Variants in PCDHAC1 observed in about 807,000 individuals in gnomAD.
PCDHAC1 encodes the protein protocadherin alpha-C1.
PCDHAC1 carries 42 observed loss-of-function variants against 60.0 expected under a neutral mutation model. The ratio of observed to expected loss-of-function variants is 0.70; its 90% CI spans 0.55 to 0.90. PCDHAC1 has a LOEUF of 0.90. Among genes scored for constraint, PCDHAC1 ranks in the 40% least tolerant of loss-of-function variants. The pLI, the probability that PCDHAC1 is intolerant of heterozygous loss-of-function variation, is 0.00. For missense variants in PCDHAC1, 1,160 were observed against 1,222.3 expected (o/e 0.95, Z 0.76); for synonymous variants, 468 against 499.3 (o/e 0.94, Z 0.84).
At position 140,969,448 on chromosome 5, in the gene PCDHAC1, G is replaced by A. The variant is rs781843317; in HGVS notation, c.2434-9501G>A. 468 of 1,537,938 alleles carry A rather than the reference G, an allele frequency of 3.0e-4. 1 individual carries two copies. Among genetic ancestry groups the A allele is most frequent in the Non-Finnish European group, 4.0e-4 (459 of 1,139,778 alleles). On this transcript the variant is annotated intron_variant, in intron 1 of 3. Coordinates refer to ENST00000253807, the MANE Select transcript of PCDHAC1 (RefSeq NM_018898.5). ...AGTGACAAGAGTTATCTGGTAAACT[G>A]AGTATATATAGTATCCACAATTTGA...
intron 2 of PCDHAC1, among the ~76,000 whole-genome samples, chr5:140,980,460 T>G (rs1554241839): frequency 6.6e-6 from 1 of 152,134 alleles, no homozygotes; most frequent in Non-Finnish European, 1.5e-5. Flanking sequence ...TGAAACCCTG[T>G]CTCTACTAAA....
chr5:141,010,188 T>G lies in PCDHAC1; in HGVS notation c.*251T>G. 6.4e-7 allele frequency: 1 copy of G among 1,553,070 alleles called. No individual in the cohort carries two copies. On this transcript the variant is annotated 3_prime_UTR_variant, in exon 4 of 4. Coordinates refer to ENST00000253807, the MANE Select transcript of PCDHAC1 (RefSeq NM_018898.5). ...CAGAACCTAAAAAGCAGACCCAAGT[T>G]TCCTTTCTCCTCCGCCGCAAAGGAG...
intron 1 of PCDHAC1, among the ~76,000 whole-genome samples, chr5:140,977,932 C>T (rs2096781582): frequency 6.6e-6 from 1 of 151,944 alleles, no homozygotes; most frequent in Non-Finnish European, 1.5e-5. Flanking sequence ...TCAACTATAC[C>T]TCAATATTCA....
chr5:140,934,172 G>A (rs781789188), intron 1 of PCDHAC1, among the ~76,000 whole-genome samples: 47 of 152,018 alleles, frequency 3.1e-4, no homozygotes, highest in Non-Finnish European at 6.6e-4. Flanking sequence ...TGCAACAGAA[G>A]TACTCTAAAC....
chr5:140,968,801 G>T, intron 1 of PCDHAC1: 1 of 1,614,216 alleles, frequency 6.2e-7, no homozygotes, highest in Non-Finnish European at 8.5e-7. Context: ...CATTACAGTA[G>T]CTGTGGTGGA....
chr5:140,967,745 G>T, intron 1 of PCDHAC1: 1 of 1,614,184 alleles, frequency 6.2e-7, no homozygotes, highest in Non-Finnish European at 8.5e-7. Flanking sequence ...GGATTATGAG[G>T]AAGCCTCCTC....
intron 1 of PCDHAC1, among the ~76,000 whole-genome samples, chr5:140,947,556 A>C (rs1281977555): frequency 1.3e-5 from 2 of 151,584 alleles, no homozygotes; most frequent in Admixed American, 6.6e-5. Flanking sequence ...TTCCGCTGGG[A>C]TTTATATTGG....
intron 1 of PCDHAC1, among the ~76,000 whole-genome samples, chr5:140,965,769 A>G (rs571022357): frequency 2.0e-5 from 3 of 152,376 alleles, no homozygotes; most frequent in Admixed American, 2.0e-4. Flanking sequence ...GTCAAATAAT[A>G]GATTTGCCTA....
At chr5:140,949,816 A>G (rs1223140568) in intron 1 of PCDHAC1, among the ~76,000 whole-genome samples, 2 of 151,532 alleles carry the variant, frequency 1.3e-5, no homozygotes, top group African/African-American at 4.8e-5. Context: ...TTTGCTTTCT[A>G]TTTGTCCCCT....
intron 3 of PCDHAC1, among the ~76,000 whole-genome samples, chr5:141,000,417 A>AT (rs1563652061): frequency 7.5e-4 from 58 of 77,708 alleles, no homozygotes; most frequent in African/African-American, 1.3e-3. Context: ...ATATATATAT[A>AT]TATATTTTTT....
chr5:140,969,264 C>T, intron 1 of PCDHAC1: 1 of 1,614,208 alleles, frequency 6.2e-7, no homozygotes, highest in Non-Finnish European at 8.5e-7. Flanking sequence ...AGGAATCTCA[C>T]AGGCCAAAGT....
At chr5:141,001,959 C>T (rs755695273) in intron 3 of PCDHAC1, among the ~76,000 whole-genome samples, 8 of 152,098 alleles carry the variant, frequency 5.3e-5, no homozygotes, top group Admixed American at 3.9e-4. Context: ...GAGGGAGAGG[C>T]GGGGTGTCTC....
chr5:140,966,413 A>G, intron 1 of PCDHAC1: 2 of 419,134 alleles, frequency 4.8e-6, no homozygotes, highest in South Asian at 1.0e-4. Flanking sequence ...GAATCAGAGC[A>G]GGACTTGCTG....
At chr5:140,968,569 C>A in intron 1 of PCDHAC1, 1 of 1,614,204 alleles carries the variant, frequency 6.2e-7, no homozygotes, top group Middle Eastern at 1.7e-4. Flanking sequence ...CCCCTGCTGG[C>A]TACCTGGTCA....
chr5:140,978,688 G>A (rs1258023605), intron 1 of PCDHAC1, among the ~76,000 whole-genome samples: 2 of 152,238 alleles, frequency 1.3e-5, no homozygotes, highest in African/African-American at 4.8e-5. Context: ...TATTGGGCAA[G>A]GCAAAGCCAA....
chr5:140,967,234 G>A (rs781912172), intron 1 of PCDHAC1: 3 of 1,613,746 alleles, frequency 1.9e-6, no homozygotes, highest in South Asian at 1.1e-5. Context: ...ACCAGCTTCA[G>A]GTAAGCGAAT....
At chr5:140,935,394 G>C (rs959098226) in intron 1 of PCDHAC1, among the ~76,000 whole-genome samples, 2 of 152,088 alleles carry the variant, frequency 1.3e-5, no homozygotes, top group East Asian at 3.8e-4. Context: ...GTTATCCCAC[G>C]GGACTCAAAC....
intron 3 of PCDHAC1, among the ~76,000 whole-genome samples, chr5:140,999,091 T>A (rs1342614556): frequency 2.0e-5 from 3 of 152,208 alleles, no homozygotes; most frequent in African/African-American, 7.2e-5. Flanking sequence ...TTCAGAGGGC[T>A]ATGGAGAGTA....
chr5:140,971,857 T>G (rs1312639660), intron 1 of PCDHAC1, among the ~76,000 whole-genome samples: 12 of 152,198 alleles, frequency 7.9e-5, no homozygotes, highest in African/African-American at 2.9e-4. Flanking sequence ...TAAATATTTG[T>G]TAACATCTAG....
Sources: gnomAD v4.1 joint callset for allele counts (sites outside exome capture counted in the v4.1 genomes callset) on GRCh38, gnomAD v4.1.1 for gene constraint, MANE v1.5 for transcripts, NCBI Gene and HGNC (gene_info 2026-07-23, HGNC 2026-07-21) for gene names.